Variants in USP45 observed in about 807,000 individuals in gnomAD.
USP45 encodes ubiquitin specific peptidase 45, also known as ubiquitin carboxyl-terminal hydrolase 45.
In USP45, 89 loss-of-function variants were observed where a neutral mutation model predicts 95.8. The observed-to-expected ratio is 0.93, with a 90% CI of 0.78 to 1.11. The LOEUF is 1.11. USP45 is among the 50% of genes least tolerant of loss of function. The pLI, the probability that USP45 is intolerant of heterozygous loss-of-function variation, is 0.00. For missense variants in USP45, 898 were observed against 942.5 expected (o/e 0.95, Z 0.62); for synonymous variants, 281 against 316.2 (o/e 0.89, Z 1.18).
chr6:99,450,988 T>C (rs1436758149), intron 13 of USP45, among the ~76,000 whole-genome samples: 3 of 152,214 alleles, frequency 2.0e-5, no homozygotes, highest in Non-Finnish European at 2.9e-5. Context: ...TCAACAGCCC[T>C]TAATGCTAAA....
intron 14 of USP45, among the ~76,000 whole-genome samples, chr6:99,445,256 G>A (rs776355990): frequency 3.3e-5 from 5 of 152,114 alleles, no homozygotes; most frequent in Admixed American, 6.5e-5. Context: ...AGGCCAAGGC[G>A]GGTGGATCAT....
intron 9 of USP45, among the ~76,000 whole-genome samples, chr6:99,469,489 T>TAATATATATATAATATATATATATATATA (rs1788837781): frequency 1.2e-5 from 1 of 85,920 alleles, no homozygotes; most frequent in Non-Finnish European, 2.0e-5. Flanking sequence ...TATATATATT[T>TAATATATATATAATATATATATATATATA]TTTTTTTTTT....
At chr6:99,492,515 A>G (rs534049180) in intron 5 of USP45, among the ~76,000 whole-genome samples, 37 of 150,168 alleles carry the variant, frequency 2.5e-4, no homozygotes, top group Admixed American at 4.6e-4. Context: ...TTTTTTTGAG[A>G]TAGAGTCTTG....
At position 99,488,690 on chromosome 6, in the gene USP45, T is replaced by G. The variant is rs529090936; in HGVS notation, c.609A>C (p.Ala203=). 2.3e-5 allele frequency: 36 copies of G among 1,599,270 alleles called. 1 individual carries two copies. In the South Asian group the frequency reaches 3.6e-4, roughly 16 times the overall value. Residue 203 remains alanine, a synonymous_variant, in exon 6 of 18, where the codon GCA becomes GCC. Transcript: ENST00000500704. ...TNLGNTCFFN[A]VMQNLAQTYT... is the part of the protein sequence containing the mutation. The stretch of plus-strand genomic sequence containing the variant: ...TTCTGATGACTCTTACCTGCATGAC[T>G]GCATTAAAAAAGCAAGTATTTCCTA...
chr6:99,488,590 T>C, intron 6 of USP45, 91 bp downstream of exon 6: 2 of 1,337,430 alleles, frequency 1.5e-6, no homozygotes, highest in Non-Finnish European at 2.1e-6. Context: ...GAGGAACATT[T>C]AGCAGTCATT....
At chr6:99,510,267 G>T in intron 1 of USP45, 37 bp from the exon 2 acceptor site, 1 of 1,455,874 alleles carries the variant, frequency 6.9e-7, no homozygotes, top group Non-Finnish European at 9.5e-7. Context: ...ATACATTTTA[G>T]TCTTCAAAAT....
intron 13 of USP45, among the ~76,000 whole-genome samples, chr6:99,448,238 TCTC>T (rs1283591255): frequency 2.0e-5 from 3 of 152,006 alleles, no homozygotes; most frequent in South Asian, 2.1e-4. Flanking sequence ...TGATCAAACT[TCTC>T]CTAGCTAAAT....
At chr6:99,504,973 AAACAACAAC>A (rs35062035) in intron 4 of USP45, among the ~76,000 whole-genome samples, 2 of 152,238 alleles carry the variant, frequency 1.3e-5, no homozygotes, top group Non-Finnish European at 2.9e-5. Flanking sequence ...AAAGCTGGAA[AAACAACAAC>A]AACAACAACT....
At chr6:99,437,473 A>G (rs1316618576) in intron 16 of USP45, 74 bp from the exon 17 acceptor site, 22 of 1,377,262 alleles carry the variant, frequency 1.6e-5, no homozygotes, top group Non-Finnish European at 2.0e-5. Context: ...AAGTAAATGT[A>G]TATCTGCTTA....
At position 99,435,689 on chromosome 6, in the gene USP45, G is replaced by A; in HGVS notation, c.*27C>T. ...ATCACTGTGGCATTCAAAAACAAAT[G>A]ACCTAAATAATCATTACCATTAATA... On this transcript the variant is annotated 3_prime_UTR_variant, in exon 18 of 18. Transcript: ENST00000500704. 2 of 1,593,404 alleles carry A rather than the reference G, an allele frequency of 1.3e-6. 1 individual carries two copies. Among genetic ancestry groups the A allele is most frequent in the South Asian group, 2.2e-5 (2 of 89,354 alleles).
At chr6:99,479,857 A>T (rs1791926857) in intron 8 of USP45, among the ~76,000 whole-genome samples, 1 of 151,862 alleles carries the variant, frequency 6.6e-6, no homozygotes, top group Admixed American at 6.6e-5. Flanking sequence ...GTCCTTTTTC[A>T]TTTTTTTTCC....
chr6:99,460,518 T>G (rs1381501531), intron 13 of USP45, among the ~76,000 whole-genome samples: 1 of 152,194 alleles, frequency 6.6e-6, no homozygotes, highest in Non-Finnish European at 1.5e-5. Context: ...TTACATAGGT[T>G]AAGTTGCCAT....
At chr6:99,468,102 G>A in intron 10 of USP45, 1 of 455,224 alleles carries the variant, frequency 2.2e-6, no homozygotes, top group Non-Finnish European at 4.4e-6. Flanking sequence ...TGACTTACCA[G>A]CACTCTCTTC....
At chr6:99,496,464 T>A (rs1244525799) in intron 5 of USP45, among the ~76,000 whole-genome samples, 1 of 152,156 alleles carries the variant, frequency 6.6e-6, no homozygotes, top group Non-Finnish European at 1.5e-5. Flanking sequence ...TCATGTCTAT[T>A]GTAAACCAGG....
chr6:99,439,980 A>G, intron 15 of USP45, 125 bp from the exon 16 acceptor site: 2 of 526,594 alleles, frequency 3.8e-6, no homozygotes, highest in Non-Finnish European at 6.5e-6. Flanking sequence ...TGACTAATGT[A>G]TAGTCTAAAA....
intron 3 of USP45, among the ~76,000 whole-genome samples, 177 bp downstream of exon 3, chr6:99,508,433 C>T (rs1409671220): frequency 6.6e-6 from 1 of 152,166 alleles, no homozygotes; most frequent in Non-Finnish European, 1.5e-5. Context: ...ACTTTCTGAA[C>T]ATAGCATACC....
At chr6:99,509,433 T>G (rs944634332) in intron 2 of USP45, among the ~76,000 whole-genome samples, 1 of 152,140 alleles carries the variant, frequency 6.6e-6, no homozygotes, top group Admixed American at 6.5e-5. Flanking sequence ...TATAGCTGTA[T>G]GCAACTATGC....
intron 3 of USP45, 75 bp downstream of exon 3, chr6:99,508,535 C>A: frequency 7.1e-7 from 1 of 1,408,172 alleles, no homozygotes; most frequent in South Asian, 1.5e-5. Context: ...TATGCATGAC[C>A]AACAGTCCAA....
chr6:99,458,023 C>T (rs970509239), intron 13 of USP45, among the ~76,000 whole-genome samples: 4 of 152,048 alleles, frequency 2.6e-5, no homozygotes, highest in Non-Finnish European at 5.9e-5. Flanking sequence ...GCTATTATTA[C>T]TATTAGTATT....
Sources: allele counts gnomAD v4.1 joint callset (sites outside exome capture counted in the v4.1 genomes callset), GRCh38; gene constraint gnomAD v4.1.1; transcripts MANE v1.5; gene names NCBI Gene and HGNC (gene_info 2026-07-23, HGNC 2026-07-21).